The following GGA1 variants were observed in gnomAD, a reference collection of about 807,000 sequenced individuals.
GGA1 encodes the protein golgi associated, gamma adaptin ear containing, ARF binding protein 1, also known as ADP-ribosylation factor-binding protein GGA1.
Under a neutral mutation model 76.9 loss-of-function variants are expected in GGA1, and 18 were observed. That is an observed-to-expected ratio of 0.23 (90% CI 0.16 to 0.35). The LOEUF is 0.35. Ranked by LOEUF, GGA1 falls within the 10% of genes least tolerant of loss-of-function variation. The probability of loss-of-function intolerance (pLI) is 1.00; values close to 1 mark genes in which losing one functional copy is unlikely to be tolerated. For synonymous variants in GGA1, 342 were observed against 354.7 expected, an observed-to-expected ratio of 0.96 and a Z score of 0.40; for missense variants, 755 against 859.0, an observed-to-expected ratio of 0.88 and a Z score of 1.51.
intron 4 of GGA1, 187 bp from the exon 5 acceptor site, chr22:37,620,051 C>T (rs1601526061): frequency 1.5e-6 from 1 of 660,760 alleles, no homozygotes; most frequent in East Asian, 2.6e-5. Flanking sequence ...GCTGACCCAG[C>T]TAATAAGTGG....
At chr22:37,612,656 C>T (rs949676091) in intron 1 of GGA1, 1 of 151,068 alleles carries the variant, frequency 6.6e-6, no homozygotes, top group African/African-American at 2.4e-5. Flanking sequence ...TGCCTGTAGT[C>T]CCAGCTACTC....
At chr22:37,618,359 G>T in intron 3 of GGA1, 89 bp from the exon 4 acceptor site, 1 of 724,688 alleles carries the variant, frequency 1.4e-6, no homozygotes. Context: ...GCCCACCCAT[G>T]GGCTTCTGGC....
chr22:37,621,593 G>T (rs772837405), intron 6 of GGA1, 23 bp from the exon 7 acceptor site: 1 of 1,528,558 alleles, frequency 6.5e-7, no homozygotes, highest in South Asian at 1.2e-5. Context: ...TGCCCTCACG[G>T]TCACACCCCT....
In GGA1 at chr22:37,616,925, T is replaced by C; in HGVS notation, c.132T>C (p.Pro44=). The C allele has an allele frequency of 6.2e-7, 1 of 1,605,148 alleles. No homozygotes were observed. The highest frequency in any genetic ancestry group is 8.5e-7 in the Non-Finnish European group (1 of 1,176,158). ...CEQLNEDFEG[P]PLATRLLAHK... is the part of the protein sequence containing the mutation. ...CTGTGTTGTTCCTCCCACCCAGGCC[T>C]CCACTCGCCACCCGGCTGCTGGCCC... The change falls in exon 3 of 17, where the codon CCT becomes CCC. Residue 44 remains proline, a synonymous_variant. Transcript: ENST00000343632.
At position 37,623,530 on chromosome 22, in the gene GGA1, C is replaced by G. The variant is rs1348833339; in HGVS notation, c.751-22C>G. Reference sequence around the variant, plus strand: ...CTCCACAGCCCACGCGGACCCTGACCCGCCCATCCTGCTGCCCTCAGGAAC... The same window carrying G: ...CTCCACAGCCCACGCGGACCCTGACGCGCCCATCCTGCTGCCCTCAGGAAC... On this transcript the variant is annotated intron_variant, in intron 8 of 16. Coordinates refer to ENST00000343632, the MANE Select transcript of GGA1 (RefSeq NM_013365.5). This position sits in a 1 kb window ranked among gnomAD's most constrained non-coding sequence, Gnocchi z 4.6. 2.5e-6 allele frequency: 4 copies of G among 1,612,664 alleles called. No individual in the cohort carries two copies. The Admixed American group carries it at 6.7e-5, about 27-fold the overall frequency.
At chr22:37,630,601 C>T in intron 13 of GGA1, 2 of 475,948 alleles carry the variant, frequency 4.2e-6, no homozygotes, top group South Asian at 5.6e-5. Context: ...GAGTCTCACC[C>T]TGTCACCCAG....
In GGA1 at chr22:37,624,716, C is replaced by T; in HGVS notation, c.833-253C>T. On this transcript the variant is annotated intron_variant, in intron 9 of 16. Transcript: ENST00000343632. The surrounding 1 kb of genome is among the most constrained non-coding windows in gnomAD (Gnocchi z 4.3). ...CCAGAGAGCAGAGCTGGAGTGGAGG[C>T]CTGGAGGCGGGAGCGGGCCCAGTGT... 1 of 436,868 alleles carries T rather than the reference C, an allele frequency of 2.3e-6. No individual in the cohort carries two copies. The highest frequency in any genetic ancestry group is 4.3e-6 in the Non-Finnish European group (1 of 232,408). 27.1% of individuals were successfully genotyped at this position (436,868 alleles called of 1,614,324 possible).
Position 37,632,142 on chromosome 22 carries a change from G to T in GGA1, c.1675G>T (p.Val559Leu), listed in dbSNP as rs771461283. ...CGCCCCCCAGCCCATCCGCAACATC[G>T]TGTTCCAGTCAGCTGTCCCCAAGGT... ...STAPQPIRNI[V>L]FQSAVPKVMK... Residue 559 changes from valine to leucine, a missense_variant, in exon 15 of 17, where the codon GTG becomes TTG. Coordinates refer to ENST00000343632, the MANE Select transcript of GGA1 (RefSeq NM_013365.5). The surrounding 1 kb of genome is among the most constrained non-coding windows in gnomAD (Gnocchi z 5.1). The T allele has an allele frequency of 1.2e-6, 2 of 1,613,038 alleles. No homozygotes were observed. The highest frequency in any genetic ancestry group is 1.7e-6 in the Non-Finnish European group (2 of 1,179,440).
In GGA1 at chr22:37,625,078, TGAG is replaced by T. The variant is rs1284268345; in HGVS notation, c.940+7_940+9del. On this transcript the variant is annotated splice_donor_5th_base_variant and intron_variant, in intron 10 of 16. Coordinates refer to ENST00000343632, the MANE Select transcript of GGA1 (RefSeq NM_013365.5). This position sits in a 1 kb window ranked among gnomAD's most constrained non-coding sequence, Gnocchi z 4.1. ...ATGCCACAGCCGGCTCCATCCCTGGTGAGGAGGTGGCAGGAGAGCTGGGAGGGC... is the reference window on the plus strand; with the variant it reads ...ATGCCACAGCCGGCTCCATCCCTGGTGAGGTGGCAGGAGAGCTGGGAGGGC... 75 of 1,584,614 alleles carry T rather than the reference TGAG, an allele frequency of 4.7e-5. No individual in the cohort carries two copies. Among genetic ancestry groups the T allele is most frequent in the Non-Finnish European group, 6.1e-5 (71 of 1,165,830 alleles).
Position 37,625,585 on chromosome 22 carries a change from A to G in GGA1, c.941-212A>G, listed in dbSNP as rs1037838509. ...TAGCAGTTTGCCCAGTAGAGCTAAG[A>G]AGGAAATACATTCCGGACAGAAGTA... On this transcript the variant is annotated intron_variant, in intron 10 of 16. Transcript: ENST00000343632. The surrounding 1 kb of genome is among the most constrained non-coding windows in gnomAD (Gnocchi z 4.1). Among the ~76,000 whole-genome samples, 1 of 152,120 alleles carries G rather than the reference A, an allele frequency of 6.6e-6. No homozygotes were observed. Among genetic ancestry groups the G allele is most frequent in the African/African-American group, 2.4e-5 (1 of 41,420 alleles).
chr22:37,609,034 G>A, intron 1 of GGA1, 131 bp downstream of exon 1: 2 of 1,429,602 alleles, frequency 1.4e-6, no homozygotes, highest in Non-Finnish European at 1.8e-6. Flanking sequence ...GAGGGGCGGT[G>A]TCCTCAGTCG....
chr22:37,628,119 C>G (rs1368901077), intron 11 of GGA1, among the ~76,000 whole-genome samples: 1 of 152,216 alleles, frequency 6.6e-6, no homozygotes, highest in African/African-American at 2.4e-5. Context: ...TGAGCCACTG[C>G]GCCCACCTCT....
Position 37,631,030 on chromosome 22 carries a change from C to T in GGA1, c.1459C>T (p.Pro487Ser). The change falls in exon 14 of 17, where the codon CCG becomes TCG. Residue 487 changes from proline to serine, a missense_variant. Transcript: ENST00000343632. ...CGTGTCCCCAGAGCCCCCCAGGCCT[C>T]CGCAGCAGCCCGTACCAACCGAGCT... ...HTVSPEPPRP[P>S]QQPVPTELSL... 6.2e-7 allele frequency: 1 copy of T among 1,613,078 alleles called. No individual in the cohort carries two copies. The highest frequency in any genetic ancestry group is 8.5e-7 in the Non-Finnish European group (1 of 1,179,726).
Position 37,625,152 on chromosome 22 carries a change from G to C in GGA1, c.940+76G>C. The C allele has an allele frequency of 7.6e-7, 1 of 1,313,354 alleles. No homozygotes were observed. Among genetic ancestry groups the C allele is most frequent in the Non-Finnish European group, 1.1e-6 (1 of 936,392 alleles). 81.4% of individuals were successfully genotyped at this position (1,313,354 alleles called of 1,614,324 possible). A position where few individuals can be genotyped will look rare whatever the true frequency, so the allele number is the denominator to read the frequency against. On this transcript the variant is annotated intron_variant, in intron 10 of 16. Transcript: ENST00000343632. This position sits in a 1 kb window ranked among gnomAD's most constrained non-coding sequence, Gnocchi z 4.1. Reference sequence around the variant, plus strand: ...ACAGAGAGTGCAGGGTGGTGTGCTGGTCTCAGAGCGGCTGGAATGACTGCC... The same window carrying C: ...ACAGAGAGTGCAGGGTGGTGTGCTGCTCTCAGAGCGGCTGGAATGACTGCC...
Position 37,624,207 on chromosome 22 carries a change from A to G in GGA1, c.832+574A>G, listed in dbSNP as rs971558786. The G allele has an allele frequency of 2.5e-5, 4 of 161,082 alleles. No homozygotes were observed. Among genetic ancestry groups the G allele is most frequent in the African/African-American group, 9.6e-5 (4 of 41,510 alleles). 10.0% of individuals were successfully genotyped at this position (161,082 alleles called of 1,614,324 possible). ...CCCACCCACAAGGCTCACTGCCCAG[A>G]TTGCCCCACACCCTGGCACCTGGGG... On this transcript the variant is annotated intron_variant, in intron 9 of 16. Coordinates refer to ENST00000343632, the MANE Select transcript of GGA1 (RefSeq NM_013365.5). The surrounding 1 kb of genome is among the most constrained non-coding windows in gnomAD (Gnocchi z 4.3).
intron 3 of GGA1, 41 bp downstream of exon 3, chr22:37,617,038 A>T: frequency 1.9e-6 from 3 of 1,570,394 alleles, no homozygotes; most frequent in Non-Finnish European, 2.6e-6. Flanking sequence ...CCGCCATGTG[A>T]CGACACCAAG....
At chr22:37,615,843 T>C (rs1217995172) in intron 2 of GGA1, among the ~76,000 whole-genome samples, 2 of 148,014 alleles carry the variant, frequency 1.4e-5, no homozygotes, top group Non-Finnish European at 2.9e-5. Context: ...TGGACATTCT[T>C]TTTATTTTTT....
chr22:37,609,166 C>T (rs1926970545), intron 1 of GGA1: 9 of 1,435,216 alleles, frequency 6.3e-6, no homozygotes, highest in Non-Finnish European at 8.3e-6. Context: ...TGAGCTGCGC[C>T]GGGAACCCCC....
In GGA1 at chr22:37,625,011, A is replaced by G. The variant is rs1256479696; in HGVS notation, c.875A>G (p.Asn292Ser). 2 of 1,601,546 alleles carry G rather than the reference A, an allele frequency of 1.2e-6. No homozygotes were observed. Among genetic ancestry groups the G allele is most frequent in the South Asian group, 1.1e-5 (1 of 88,938 alleles). Reference protein sequence around the residue: ...QANDNLTQVINLYKQLVRGEE... With the variant: ...QANDNLTQVISLYKQLVRGEE... ...AATGACAACCTCACCCAGGTGATCA[A>G]CCTGTATAAGCAGCTGGTGCGGGGT... Residue 292 changes from asparagine (N) to serine (S), a missense_variant, in exon 10 of 17, where the codon AAC (asparagine) becomes AGC (serine). By Grantham distance (46) the Asn-to-Ser change is conservative (BLOSUM62 1). Coordinates refer to ENST00000343632, the MANE Select transcript of GGA1 (RefSeq NM_013365.5). The surrounding 1 kb of genome is among the most constrained non-coding windows in gnomAD (Gnocchi z 4.1).
Sources: gnomAD v4.1 joint callset for allele counts (sites outside exome capture counted in the v4.1 genomes callset) on GRCh38, gnomAD v4.1.1 for gene constraint, Gnocchi (gnomAD v3.1) non-coding constraint, MANE v1.5 for transcripts, NCBI Gene and HGNC (gene_info 2026-07-23, HGNC 2026-07-21) for gene names.